The following DNAH5 variants were observed in gnomAD, a reference collection of about 807,000 sequenced individuals.
The protein encoded by DNAH5 is dynein axonemal heavy chain 5.
In DNAH5, 372 loss-of-function variants were observed where a neutral mutation model predicts 518.2. The observed-to-expected ratio is 0.72, with a 90% CI of 0.66 to 0.78. The LOEUF (loss-of-function observed/expected upper bound fraction) is 0.78. Among genes scored for constraint, DNAH5 ranks in the 30% least tolerant of loss-of-function variants. The pLI is 0.00. For missense variants in DNAH5, 5,523 were observed against 5,687.0 expected (o/e 0.97, Z 0.93); for synonymous variants, 2,039 against 2,025.9 (o/e 1.01, Z -0.17).
chr5:13,984,194 A>C (rs1782873567), intron 1 of DNAH5, among the ~76,000 whole-genome samples: 1 of 152,188 alleles, frequency 6.6e-6, no homozygotes, highest in African/African-American at 2.4e-5. Context: ...GCCGCCTCTA[A>C]CTGCTCAAAA....
chr5:13,966,648 T>G (rs1781548800), intron 1 of DNAH5, among the ~76,000 whole-genome samples: 1 of 152,236 alleles, frequency 6.6e-6, no homozygotes, highest in African/African-American at 2.4e-5. Context: ...GTTGGCCATT[T>G]GTATATCTTC....
At chr5:13,718,776 G>T in intron 72 of DNAH5, 106 bp downstream of exon 72, 2 of 917,666 alleles carry the variant, frequency 2.2e-6, no homozygotes, top group Non-Finnish European at 3.5e-6. Flanking sequence ...TTAAACAGTA[G>T]TACTATTTGC....
At position 13,784,740 on chromosome 5, in the gene DNAH5, A is replaced by G. The variant is rs147007788; in HGVS notation, c.8820+1439T>C. ...ATTTTCTTTCTAACTAAAAGGATGT[A>G]GTCCGGAAAAGTAGTTGATATCAAC... On this transcript the variant is annotated intron_variant, in intron 52 of 78. Coordinates refer to ENST00000265104, the MANE Select transcript of DNAH5 (RefSeq NM_001369.3). Among the ~76,000 whole-genome samples the G allele has an allele frequency of 6.3e-3, 961 of 152,360 alleles. 8 individuals carry two copies. Among genetic ancestry groups the G allele is most frequent in the Non-Finnish European group, 7.5e-3 (511 of 68,030 alleles).
chr5:13,930,793 GA>G (rs1483584669), intron 2 of DNAH5, among the ~76,000 whole-genome samples: 2 of 152,200 alleles, frequency 1.3e-5, no homozygotes, highest in African/African-American at 4.8e-5. Context: ...TCGGCAACTT[GA>G]AACGAGATTC....
chr5:13,982,223 G>A (rs549278436), intron 1 of DNAH5, among the ~76,000 whole-genome samples: 2 of 152,342 alleles, frequency 1.3e-5, no homozygotes, highest in East Asian at 1.9e-4. Flanking sequence ...TCATCTGATT[G>A]TATTTTGGTT....
chr5:13,922,200 A>G lies in DNAH5; in HGVS notation c.567T>C (p.Leu189=), dbSNP rs2151995493. Residue 189 remains leucine, a synonymous_variant, in exon 5 of 79, where the codon CTT becomes CTC. Coordinates refer to ENST00000265104, the MANE Select transcript of DNAH5 (RefSeq NM_001369.3). ...TSHGWGELEG[L]QDAANIRQEF... is the part of the protein sequence containing the mutation. Reference sequence around the variant, plus strand: ...CCTGGCGAATGTTAGCTGCGTCCTGAAGGCCCTCGAGCTCGCCCCAGCCAT... The same window carrying G: ...CCTGGCGAATGTTAGCTGCGTCCTGGAGGCCCTCGAGCTCGCCCCAGCCAT... 6.2e-7 allele frequency: 1 copy of G among 1,614,034 alleles called. No individual in the cohort carries two copies. Among genetic ancestry groups the G allele is most frequent in the Non-Finnish European group, 8.5e-7 (1 of 1,179,992 alleles).
In DNAH5 at chr5:13,835,943, T is replaced by C. The variant is rs529722915; in HGVS notation, c.5882+3413A>G. On this transcript the variant is annotated intron_variant, in intron 35 of 78. Coordinates refer to ENST00000265104, the MANE Select transcript of DNAH5 (RefSeq NM_001369.3). ...CAAAGGGGTGAAAATGGTCACATTC[T>C]AGAAGGAACCTGAAAGCACTGCTGA... Among the ~76,000 whole-genome samples, 239 of 152,260 alleles carry C rather than the reference T, an allele frequency of 1.6e-3. 1 individual carries two copies. Among genetic ancestry groups the C allele is most frequent in the Middle Eastern group, 3.4e-3 (1 of 294 alleles).
intron 34 of DNAH5, among the ~76,000 whole-genome samples, chr5:13,839,781 G>A (rs914178752): frequency 1.6e-4 from 24 of 152,128 alleles, no homozygotes; most frequent in African/African-American, 4.3e-4. Flanking sequence ...GTGCCTTTAC[G>A]TATTTTAATA....
At chr5:13,899,664 A>G (rs1774325714) in intron 15 of DNAH5, 1 of 155,080 alleles carries the variant, frequency 6.4e-6, no homozygotes, top group Non-Finnish European at 1.4e-5. Flanking sequence ...GCAAGTTATG[A>G]AGAATGCAAC....
At chr5:13,732,642 TAC>T (rs1176665063) in intron 68 of DNAH5, among the ~76,000 whole-genome samples, 1 of 152,080 alleles carries the variant, frequency 6.6e-6, no homozygotes, top group Non-Finnish European at 1.5e-5. Context: ...GTGCTGGGAT[TAC>T]AGACTTGAGC....
intron 12 of DNAH5, among the ~76,000 whole-genome samples, chr5:13,903,729 T>A (rs2151966282): frequency 6.6e-6 from 1 of 152,020 alleles, no homozygotes; most frequent in South Asian, 2.1e-4. Context: ...TGACGGAAAA[T>A]AACACCCAAA....
intron 18 of DNAH5, 101 bp from the exon 19 acceptor site, chr5:13,885,329 T>A: frequency 1.4e-6 from 2 of 1,415,898 alleles, no homozygotes; most frequent in Middle Eastern, 2.1e-4. Context: ...CTGTTGCAAT[T>A]AAAGGATAAA....
intron 38 of DNAH5, among the ~76,000 whole-genome samples, chr5:13,827,825 T>C (rs1195321211): frequency 6.6e-6 from 1 of 152,106 alleles, no homozygotes; most frequent in Non-Finnish European, 1.5e-5. Context: ...ACCCTCATGT[T>C]GCTCTCATGA....
chr5:13,709,209 G>C (rs1743179619), intron 75 of DNAH5, among the ~76,000 whole-genome samples: 1 of 152,008 alleles, frequency 6.6e-6, no homozygotes, highest in Non-Finnish European at 1.5e-5. Flanking sequence ...GGGTACAAAA[G>C]ACACAAAATG....
intron 1 of DNAH5, among the ~76,000 whole-genome samples, chr5:13,957,640 T>G (rs545432191): frequency 6.6e-6 from 1 of 151,856 alleles, no homozygotes; most frequent in Non-Finnish European, 1.5e-5. Flanking sequence ...AAAACTTTTA[T>G]CTCAATCTTT....
chr5:13,993,310 A>T (rs769616128), intron 1 of DNAH5, among the ~76,000 whole-genome samples: 2 of 152,182 alleles, frequency 1.3e-5, no homozygotes, highest in African/African-American at 2.4e-5. Flanking sequence ...ACTGTCTCTA[A>T]ATTTTCTCTT....
rs1210584346 is a variant in DNAH5, at chr5:13,882,931, T to C, written c.3147A>G (p.Arg1049=). The change falls in exon 20 of 79, where the codon AGA becomes AGG. Residue 1049 remains arginine, a synonymous_variant. Coordinates refer to ENST00000265104, the MANE Select transcript of DNAH5 (RefSeq NM_001369.3). ...TGGACAACAGTTCACTGCTCCACTG[T>C]CTGACCCCCTTAGGGACACTGATGA... The part of the protein sequence containing the change: ...ECIISVPKGV[R]QWSSELLSKK... 1.2e-6 allele frequency: 2 copies of C among 1,614,204 alleles called. No homozygotes were observed. Among genetic ancestry groups the C allele is most frequent in the South Asian group, 1.1e-5 (1 of 91,086 alleles).
chr5:13,904,278 G>A (rs894510049), intron 12 of DNAH5, among the ~76,000 whole-genome samples: 12 of 150,522 alleles, frequency 8.0e-5, no homozygotes, highest in African/African-American at 2.7e-4. Context: ...CAATGTAAAT[G>A]GCTTAAACTT....
At position 13,919,338 on chromosome 5, in the gene DNAH5, G is replaced by A. The variant is rs1473176664; in HGVS notation, c.813C>T (p.Asn271=). The A allele has an allele frequency of 6.2e-7, 1 of 1,613,946 alleles. No homozygotes were observed. Among genetic ancestry groups the A allele is most frequent in the Middle Eastern group, 1.7e-4 (1 of 6,036 alleles). ...IKQTEQVLAE[N]NQLLKEADDV... ...CATCCGCTTCCTTCAGCAGCTGATT[G>A]TTTTCAGCAAGAACCTGCAAATGCG... The change falls in exon 7 of 79, where the codon AAC becomes AAT. Residue 271 remains asparagine (N), a synonymous_variant. Transcript: ENST00000265104.
Sources: gnomAD v4.1 joint callset for allele counts (sites outside exome capture counted in the v4.1 genomes callset) on GRCh38, gnomAD v4.1.1 for gene constraint, MANE v1.5 for transcripts, NCBI Gene and HGNC (gene_info 2026-07-23, HGNC 2026-07-21) for gene names.